COBL: variants seen among roughly 807,000 people sequenced by gnomAD.
COBL encodes the protein cordon-bleu WH2 repeat protein.
COBL carries 51 observed loss-of-function variants against 98.8 expected under a neutral mutation model. That is an observed-to-expected ratio of 0.52 (90% CI 0.41 to 0.65). The LOEUF (loss-of-function observed/expected upper bound fraction) is 0.65, where lower values mean the gene tolerates loss of function less well. COBL is among the 30% of genes least tolerant of loss of function. The pLI, the probability that COBL is intolerant of heterozygous loss-of-function variation, is 0.00. For missense variants in COBL, 1,617 were observed against 1,617.5 expected (o/e 1.00, Z 0.01); for synonymous variants, 634 against 651.7 (o/e 0.97, Z 0.41).
At chr7:51,287,637 T>C (rs1422568488) in intron 1 of COBL, among the ~76,000 whole-genome samples, 1 of 152,158 alleles carries the variant, frequency 6.6e-6, no homozygotes, top group African/African-American at 2.4e-5. Context: ...CCTGGGTATT[T>C]ACCCTAAAGA....
intron 5 of COBL, among the ~76,000 whole-genome samples, chr7:51,140,700 C>T (rs982553004): frequency 1.3e-5 from 2 of 152,202 alleles, no homozygotes; most frequent in African/African-American, 2.4e-5. Flanking sequence ...TAGCACCAGG[C>T]AGCAGGGGCA....
Position 51,104,906 on chromosome 7 carries a change from C to T in COBL, c.958-19602G>A, listed in dbSNP as rs116673248. ...CAGCCAGCCTGAGAATGTAACCAAC[C>T]GCAAGTTCATGCGTCTAGAAAGTCA... On this transcript the variant is annotated intron_variant, in intron 6 of 12. Coordinates refer to ENST00000265136, the MANE Select transcript of COBL (RefSeq NM_015198.5). Among the ~76,000 whole-genome samples the T allele has an allele frequency of 7.1e-3, 1,086 of 152,134 alleles. 13 individuals are homozygous for T. The highest frequency in any genetic ancestry group is 0.025 in the African/African-American group (1,053 of 41,496).
chr7:51,291,032 C>T (rs1178083522), intron 1 of COBL, among the ~76,000 whole-genome samples: 2 of 152,226 alleles, frequency 1.3e-5, no homozygotes, highest in African/African-American at 4.8e-5. Context: ...GGGCTCACAA[C>T]CCTTGGGGTA....
intron 5 of COBL, among the ~76,000 whole-genome samples, chr7:51,178,901 G>A (rs1788669463): frequency 6.6e-6 from 1 of 152,126 alleles, no homozygotes; most frequent in Non-Finnish European, 1.5e-5. Flanking sequence ...GACCTACTGT[G>A]CCCAGCCAAG....
intron 1 of COBL, among the ~76,000 whole-genome samples, chr7:51,300,394 C>T (rs986453234): frequency 4.6e-5 from 7 of 152,168 alleles, no homozygotes; most frequent in African/African-American, 1.7e-4. Flanking sequence ...CTCCTGACCT[C>T]AGGTGATCTG....
At chr7:51,217,994 C>T (rs1330824181) in intron 2 of COBL, among the ~76,000 whole-genome samples, 1 of 152,150 alleles carries the variant, frequency 6.6e-6, no homozygotes, top group Non-Finnish European at 1.5e-5. Flanking sequence ...CAGTTAATTG[C>T]GCCTGAGCCC....
intron 1 of COBL, among the ~76,000 whole-genome samples, chr7:51,280,350 T>C (rs780738982): frequency 5.9e-5 from 9 of 152,154 alleles, no homozygotes; most frequent in Non-Finnish European, 1.2e-4. Flanking sequence ...CCTGCTCCTA[T>C]GAGCCCCAGT....
intron 5 of COBL, among the ~76,000 whole-genome samples, chr7:51,163,121 ACATT>A (rs1475392704): frequency 6.6e-6 from 1 of 152,198 alleles, no homozygotes; most frequent in Non-Finnish European, 1.5e-5. Context: ...AAAATAGAGG[ACATT>A]CAAAGCAGCA....
chr7:51,094,219 TGAG>T (rs1200683683), intron 6 of COBL, among the ~76,000 whole-genome samples: 1 of 151,754 alleles, frequency 6.6e-6, no homozygotes, highest in Non-Finnish European at 1.5e-5. Context: ...AACCAGAAGC[TGAG>T]GAGTAGAGGA....
intron 1 of COBL, among the ~76,000 whole-genome samples, chr7:51,301,507 G>A (rs1801964290): frequency 6.6e-6 from 1 of 152,162 alleles, no homozygotes; most frequent in Admixed American, 6.5e-5. Flanking sequence ...TCAGGCCTGG[G>A]CCGTGTCCTA....
chr7:51,145,387 C>CTTT (rs55913181), intron 5 of COBL, among the ~76,000 whole-genome samples: 1 of 140,822 alleles, frequency 7.1e-6, no homozygotes, highest in African/African-American at 2.7e-5. Flanking sequence ...TTTTTTTTTT[C>CTTT]TTTTTTTTCC....
At chr7:51,082,226 G>A (rs1224379424) in intron 7 of COBL, among the ~76,000 whole-genome samples, 1 of 152,150 alleles carries the variant, frequency 6.6e-6, no homozygotes, top group African/African-American at 2.4e-5. Context: ...CACCAGCAGG[G>A]CTCCTGGCCG....
chr7:51,275,200 C>T (rs1799186431), intron 1 of COBL, among the ~76,000 whole-genome samples: 1 of 152,052 alleles, frequency 6.6e-6, no homozygotes, highest in Non-Finnish European at 1.5e-5. Flanking sequence ...GGGGAGAGGC[C>T]CAAGGGCTGG....
At chr7:51,045,519 C>G (rs1475176599) in intron 7 of COBL, among the ~76,000 whole-genome samples, 1 of 152,192 alleles carries the variant, frequency 6.6e-6, no homozygotes, top group Non-Finnish European at 1.5e-5. Flanking sequence ...TGGTGGCACA[C>G]AGTAGGGGCC....
intron 11 of COBL, 39 bp downstream of exon 11, chr7:51,026,507 T>A (rs770141764): frequency 6.2e-7 from 1 of 1,606,584 alleles, no homozygotes; most frequent in South Asian, 1.1e-5. Flanking sequence ...GTGGGTGGGT[T>A]TGAGCTCCTG....
intron 12 of COBL, among the ~76,000 whole-genome samples, chr7:51,021,823 A>C (rs1786967668): frequency 6.6e-6 from 1 of 152,220 alleles, no homozygotes; most frequent in Non-Finnish European, 1.5e-5. Context: ...TCATTTCCCA[A>C]ATCGCAAATG....
chr7:51,145,165 C>T (rs758125967), intron 5 of COBL, among the ~76,000 whole-genome samples: 1 of 151,904 alleles, frequency 6.6e-6, no homozygotes, highest in Non-Finnish European at 1.5e-5. Context: ...TAGGTGCCCA[C>T]CATCACGCCC....
intron 8 of COBL, among the ~76,000 whole-genome samples, chr7:51,036,734 T>C (rs370050300): frequency 6.6e-6 from 1 of 152,154 alleles, no homozygotes; most frequent in Non-Finnish European, 1.5e-5. Flanking sequence ...CCAGGGAGGC[T>C]CCCTTCAACT....
chr7:51,303,725 A>G (rs898869378), intron 1 of COBL, among the ~76,000 whole-genome samples: 1 of 152,206 alleles, frequency 6.6e-6, no homozygotes, highest in Non-Finnish European at 1.5e-5. Context: ...ACCCAACTCC[A>G]AACAGGGAAG....
Sources: gnomAD v4.1 joint callset for allele counts (sites outside exome capture counted in the v4.1 genomes callset) on GRCh38, gnomAD v4.1.1 for gene constraint, MANE v1.5 for transcripts, NCBI Gene and HGNC (gene_info 2026-07-23, HGNC 2026-07-21) for gene names.